Variants in RXYLT1 observed in about 807,000 individuals in gnomAD.
RXYLT1 encodes the protein ribitol-5-phosphate xylosyltransferase 1.
In RXYLT1, 41 loss-of-function variants were observed where a neutral mutation model predicts 43.5. The observed-to-expected ratio is 0.94, with a 90% CI of 0.73 to 1.22. The LOEUF is 1.22. RXYLT1 is among the 50% of genes most tolerant of loss of function. The probability of loss-of-function intolerance (pLI) is 0.00; values close to 1 mark genes in which losing one functional copy is unlikely to be tolerated. For missense variants in RXYLT1, 514 were observed against 532.0 expected (o/e 0.97, Z 0.33); for synonymous variants, 166 against 194.4 (o/e 0.85, Z 1.21).
At chr12:63,784,015 G>A (rs1897746280) in intron 2 of RXYLT1, among the ~76,000 whole-genome samples, 1 of 151,896 alleles carries the variant, frequency 6.6e-6, no homozygotes, top group South Asian at 2.1e-4. Flanking sequence ...CCTTGTGTGA[G>A]GACTCTTGAG....
intron 3 of RXYLT1, among the ~76,000 whole-genome samples, chr12:63,793,843 T>G (rs775059249): frequency 3.3e-5 from 5 of 152,256 alleles, no homozygotes; most frequent in Non-Finnish European, 7.3e-5. Flanking sequence ...GAACACTGAA[T>G]AATTTTTTTA....
intron 2 of RXYLT1, 110 bp downstream of exon 2, chr12:63,781,284 CATG>C (rs1897678301): frequency 8.6e-7 from 1 of 1,158,538 alleles, no homozygotes; most frequent in Non-Finnish European, 1.1e-6. Flanking sequence ...ATTAAGGCAT[CATG>C]ATATATTTTT....
chr12:63,809,059 A>G lies in RXYLT1; in HGVS notation c.1299A>G (p.Leu433=). Residue 433 remains leucine (L), a synonymous_variant, in exon 6 of 6, where the codon TTA becomes TTG. Coordinates refer to ENST00000261234, the MANE Select transcript of RXYLT1 (RefSeq NM_014254.3). ...TTAAAATGAAATTTACTAATATTTTAGAAAGCTCATTTTTAATGAATAATA... is the reference window on the plus strand; with the variant it reads ...TTAAAATGAAATTTACTAATATTTTGGAAAGCTCATTTTTAATGAATAATA... ...TELKMKFTNI[L]ESSFLMNNKS 10 of 1,561,766 alleles carry G rather than the reference A, an allele frequency of 6.4e-6. No homozygotes were observed. Among genetic ancestry groups the G allele is most frequent in the Non-Finnish European group, 7.8e-6 (9 of 1,154,188 alleles).
At chr12:63,796,874 G>A (rs1898043971) in intron 3 of RXYLT1, among the ~76,000 whole-genome samples, 1 of 149,264 alleles carries the variant, frequency 6.7e-6, no homozygotes, top group Middle Eastern at 3.2e-3. Context: ...TAGTCCTGTC[G>A]ATAAAAAAAA....
chr12:63,791,612 T>C (rs903724684), intron 3 of RXYLT1, among the ~76,000 whole-genome samples: 2 of 152,232 alleles, frequency 1.3e-5, no homozygotes, highest in African/African-American at 4.8e-5. Context: ...CATAAATCAA[T>C]GGAGATCCCA....
rs1309792094 is a variant in RXYLT1 at position 63,808,792 on chromosome 12, T to G, written c.1032T>G (p.Ala344=). The G allele has an allele frequency of 6.2e-7, 1 of 1,613,982 alleles. No homozygotes were observed. ...CAGAATGCTATCGAATCTATGAGGC[T>G]TGCTCCTATGGCTCCATTCCTGTGG... ...VNTECYRIYE[A]CSYGSIPVVE... The change falls in exon 6 of 6, where the codon GCT becomes GCG. Residue 344 remains alanine (A), a synonymous_variant. Transcript: ENST00000261234.
intron 3 of RXYLT1, among the ~76,000 whole-genome samples, chr12:63,789,674 C>T (rs563584401): frequency 6.6e-6 from 1 of 152,208 alleles, no homozygotes; most frequent in East Asian, 1.9e-4. Flanking sequence ...ACCGTTTCCT[C>T]TTAGGATTTA....
At chr12:63,788,977 G>A (rs572813869) in intron 3 of RXYLT1, among the ~76,000 whole-genome samples, 285 of 152,126 alleles carry the variant, frequency 1.9e-3, no homozygotes, top group African/African-American at 6.6e-3. Context: ...TTTGTCTTAG[G>A]CTTTTAGCAG....
rs1898398084 is a variant in RXYLT1, at chr12:63,809,355, C to A, written c.*263C>A. 3.2e-6 allele frequency: 1 copy of A among 313,738 alleles called. No homozygotes were observed. The highest frequency in any genetic ancestry group is 4.8e-5 in the Admixed American group (1 of 20,642). The allele number at this position is 313,738 out of a possible 1,614,324, so 19.4% of individuals were successfully genotyped here. A position where few individuals can be genotyped will look rare whatever the true frequency, so the allele number is the denominator to read the frequency against. On this transcript the variant is annotated 3_prime_UTR_variant, in exon 6 of 6. Coordinates refer to ENST00000261234, the MANE Select transcript of RXYLT1 (RefSeq NM_014254.3). ...GACATATGTATTGCAATACATCACTCACGTGTTTGTGGTGATACTGGTGTA... is the reference window on the plus strand; with the variant it reads ...GACATATGTATTGCAATACATCACTAACGTGTTTGTGGTGATACTGGTGTA...
intron 3 of RXYLT1, among the ~76,000 whole-genome samples, chr12:63,788,857 T>C (rs977646449): frequency 1.3e-4 from 20 of 152,360 alleles, no homozygotes; most frequent in Non-Finnish European, 2.8e-4. Flanking sequence ...GCCTAGCTTT[T>C]AGCTTGCCTC....
At chr12:63,806,769 A>AGTT (rs1898302661) in intron 5 of RXYLT1, 1 of 152,220 alleles carries the variant, frequency 6.6e-6, no homozygotes, top group Non-Finnish European at 1.5e-5. Context: ...AGCAGACAAA[A>AGTT]CCATCCATCA....
chr12:63,806,505 T>A (rs943663525), intron 5 of RXYLT1: 1 of 152,232 alleles, frequency 6.6e-6, no homozygotes, highest in Non-Finnish European at 1.5e-5. Context: ...ATTCCAGACG[T>A]AGGGAAGAGC....
chr12:63,789,386 A>G (rs995868545), intron 3 of RXYLT1, among the ~76,000 whole-genome samples: 21 of 152,192 alleles, frequency 1.4e-4, no homozygotes, highest in Non-Finnish European at 5.9e-5. Context: ...AGTACAAGAA[A>G]GACCTGCCCC....
intron 3 of RXYLT1, chr12:63,795,386 G>C (rs1898008389): frequency 6.6e-6 from 1 of 152,206 alleles, no homozygotes; most frequent in Non-Finnish European, 1.5e-5. Flanking sequence ...CTTCAGCCCA[G>C]GAATTCAAGA....
chr12:63,802,613 A>T lies in RXYLT1; in HGVS notation c.743+208A>T, dbSNP rs116323777. Among the ~76,000 whole-genome samples the T allele has an allele frequency of 5.4e-3, 827 of 152,242 alleles. 8 individuals are homozygous for T. Among genetic ancestry groups the T allele is most frequent in the African/African-American group, 0.019 (787 of 41,546 alleles). On this transcript the variant is annotated intron_variant, in intron 4 of 5. Transcript: ENST00000261234. ...GAGTATTTTATTCTTTAATGAGGAG[A>T]TGAGTTACTTTTTTTCTTTTAAAAC...
intron 3 of RXYLT1, among the ~76,000 whole-genome samples, chr12:63,786,724 T>G (rs1395518709): frequency 6.6e-6 from 1 of 152,182 alleles, no homozygotes; most frequent in Non-Finnish European, 1.5e-5. Context: ...CAATGAAGTT[T>G]GCCACATCAG....
At chr12:63,781,965 C>T (rs1897694261) in intron 2 of RXYLT1, among the ~76,000 whole-genome samples, 1 of 152,190 alleles carries the variant, frequency 6.6e-6, no homozygotes, top group African/African-American at 2.4e-5. Context: ...TAGAAGATTA[C>T]TACCAACCTC....
intron 3 of RXYLT1, 113 bp downstream of exon 3, chr12:63,785,185 T>C: frequency 1.6e-6 from 1 of 621,268 alleles, no homozygotes. Flanking sequence ...AATACTTCTA[T>C]TTCAACTTGT....
chr12:63,781,102 C>T lies in RXYLT1; in HGVS notation c.253C>T (p.Leu85Phe), dbSNP rs1205121401. Residue 85 changes from leucine to phenylalanine, a missense_variant, in exon 2 of 6, where the codon CTT becomes TTT. Coordinates refer to ENST00000261234, the MANE Select transcript of RXYLT1 (RefSeq NM_014254.3). ...GCAACAACACAGATTTAAAACTAGC[C>T]TTCAAATATTAGATAAATCCACGAA... ...NEQQHRFKTS[L>F]QILDKSTKGK... 2.5e-6 allele frequency: 4 copies of T among 1,608,832 alleles called. No homozygotes were observed. The highest frequency in any genetic ancestry group is 3.4e-6 in the Non-Finnish European group (4 of 1,178,096).
Sources: allele counts gnomAD v4.1 joint callset (sites outside exome capture counted in the v4.1 genomes callset), GRCh38; gene constraint gnomAD v4.1.1; transcripts MANE v1.5; gene names NCBI Gene and HGNC (gene_info 2026-07-23, HGNC 2026-07-21).